The following FREM3 variants were observed in gnomAD, a reference collection of about 807,000 sequenced individuals.
FREM3 encodes FRAS1 related extracellular matrix 3, also known as FRAS1-related extracellular matrix protein 3.
Under a neutral mutation model 129.1 loss-of-function variants are expected in FREM3, and 105 were observed. The observed-to-expected ratio is 0.81, with a 90% confidence interval of 0.69 to 0.96. The LOEUF is 0.96. Among genes scored for constraint, FREM3 ranks in the 40% least tolerant of loss-of-function variants. The pLI, the probability that FREM3 is intolerant of heterozygous loss-of-function variation, is 0.00. For missense variants in FREM3, 2,593 were observed against 2,666.3 expected (o/e 0.97, Z 0.61); for synonymous variants, 1,014 against 1,044.9 (o/e 0.97, Z 0.57).
Position 143,675,068 on chromosome 4 carries a change from C to T in FREM3, c.5275+18045G>A, listed in dbSNP as rs529937891. Among the ~76,000 whole-genome samples the T allele has an allele frequency of 2.1e-4, 32 of 152,306 alleles. No homozygotes were observed. The South Asian group carries it at 5.8e-3, about 28-fold the overall frequency. ...ATAGACATCTACAGAACTCTCCACC[C>T]CAAATCAACAGAATATACTTTCTTC... On this transcript the variant is annotated intron_variant, in intron 2 of 7. Coordinates refer to ENST00000329798, the MANE Select transcript of FREM3 (RefSeq NM_001168235.2).
In FREM3 at chr4:143,685,118, A is replaced by T. The variant is rs1740336399; in HGVS notation, c.5275+7995T>A. On this transcript the variant is annotated intron_variant, in intron 2 of 7. Coordinates refer to ENST00000329798, the MANE Select transcript of FREM3 (RefSeq NM_001168235.2). ...AGGAAAACTTCCCCAGCCTCGCTAGAGACATAGACATCCAAATACCAGAAG... is the reference window on the plus strand; with the variant it reads ...AGGAAAACTTCCCCAGCCTCGCTAGTGACATAGACATCCAAATACCAGAAG... Among the ~76,000 whole-genome samples, 3 of 152,332 alleles carry T rather than the reference A, an allele frequency of 2.0e-5. No homozygotes were observed. In the South Asian group the frequency reaches 6.2e-4, roughly 32 times the overall value.
chr4:143,699,918 T>A lies in FREM3; in HGVS notation c.758A>T (p.Gln253Leu). The A allele has an allele frequency of 6.5e-7, 1 of 1,536,026 alleles. No homozygotes were observed. The highest frequency in any genetic ancestry group is 2.4e-5 in the East Asian group (1 of 40,904). Residue 253 changes from glutamine to leucine, a missense_variant, in exon 1 of 8, where the codon CAG becomes CTG. Transcript: ENST00000329798. The surrounding 1 kb of genome is among the most constrained non-coding windows in gnomAD (Gnocchi z 4.2). Reference protein sequence around the residue: ...EAFLRAGVRYQHTATSSPNRD... With the variant: ...EAFLRAGVRYLHTATSSPNRD... ...GTTGGGCGAGGAGGTGGCTGTGTGC[T>A]GATAGCGCACCCCAGCACGGAGGAA... is the stretch of plus-strand genomic sequence containing the variant.
At chr4:143,595,832 G>A (rs1738468967) in intron 6 of FREM3, among the ~76,000 whole-genome samples, 1 of 145,728 alleles carries the variant, frequency 6.9e-6, no homozygotes, top group Non-Finnish European at 1.5e-5. Flanking sequence ...AGCTTGCAGT[G>A]AGCTGAGATC....
At chr4:143,657,373 A>C (rs1192570358) in intron 2 of FREM3, among the ~76,000 whole-genome samples, 1 of 152,224 alleles carries the variant, frequency 6.6e-6, no homozygotes. Context: ...ATTCAATAGA[A>C]CAGTCAATAG....
intron 2 of FREM3, among the ~76,000 whole-genome samples, chr4:143,651,093 C>T (rs1356668364): frequency 3.3e-5 from 5 of 152,172 alleles, no homozygotes; most frequent in African/African-American, 7.2e-5. Flanking sequence ...TAATTTGATT[C>T]GGTTTTAGTC....
At chr4:143,601,524 G>T (rs1341794883) in intron 6 of FREM3, among the ~76,000 whole-genome samples, 1 of 152,186 alleles carries the variant, frequency 6.6e-6, no homozygotes, top group Non-Finnish European at 1.5e-5. Context: ...GTTGAGTGGA[G>T]ATAGTATAAA....
intron 2 of FREM3, among the ~76,000 whole-genome samples, chr4:143,634,750 C>T (rs906656027): frequency 1.3e-5 from 2 of 152,016 alleles, no homozygotes; most frequent in African/African-American, 4.8e-5. Context: ...GACGAAGGCT[C>T]GTTGTGTGAG....
intron 2 of FREM3, among the ~76,000 whole-genome samples, chr4:143,663,951 C>G (rs1317575737): frequency 2.0e-5 from 3 of 152,114 alleles, no homozygotes; most frequent in African/African-American, 7.2e-5. Flanking sequence ...CCTTTAAGCA[C>G]TTCTCTGTAT....
At chr4:143,646,687 A>G (rs1223233112) in intron 2 of FREM3, among the ~76,000 whole-genome samples, 1 of 152,220 alleles carries the variant, frequency 6.6e-6, no homozygotes, top group Admixed American at 6.5e-5. Flanking sequence ...CAGAACTGTG[A>G]ATCAATTAAA....
chr4:143,603,794 A>G (rs1186866810), intron 6 of FREM3, among the ~76,000 whole-genome samples: 7 of 152,122 alleles, frequency 4.6e-5, no homozygotes, highest in Admixed American at 4.6e-4. Flanking sequence ...ACTCTAGACT[A>G]ACTCATGCCG....
At chr4:143,640,045 T>C (rs140484206) in intron 2 of FREM3, among the ~76,000 whole-genome samples, 263 of 152,302 alleles carry the variant, frequency 1.7e-3, no homozygotes, top group African/African-American at 5.6e-3. Flanking sequence ...GTTTCACATC[T>C]CTGAAAACTC....
At chr4:143,621,441 C>T (rs989941976) in intron 4 of FREM3, among the ~76,000 whole-genome samples, 1 of 151,980 alleles carries the variant, frequency 6.6e-6, no homozygotes, top group African/African-American at 2.4e-5. Context: ...TCTTTTTTTT[C>T]TTCTGAGATC....
chr4:143,696,671 A>T lies in FREM3; in HGVS notation c.4005T>A (p.Leu1335=). The change falls in exon 1 of 8, where the codon CTT becomes CTA. Residue 1335 remains leucine (L), a synonymous_variant. Coordinates refer to ENST00000329798, the MANE Select transcript of FREM3 (RefSeq NM_001168235.2). ...ITNRILKATD[L]DSDDKSLSFV... is the part of the protein sequence containing the mutation. ...AACTGAGGCTTTTATCATCTGAGTC[A>T]AGATCTGTGGCCTTGAGGATCCGAT... The T allele has an allele frequency of 6.5e-7, 1 of 1,537,886 alleles. No individual in the cohort carries two copies. Among genetic ancestry groups the T allele is most frequent in the Non-Finnish European group, 8.7e-7 (1 of 1,147,062 alleles).
chr4:143,648,267 C>G (rs539693075), intron 2 of FREM3, among the ~76,000 whole-genome samples: 135 of 152,172 alleles, frequency 8.9e-4, no homozygotes, highest in Non-Finnish European at 1.3e-3. Context: ...ATTTTACAGG[C>G]TCTTAGGCAG....
At chr4:143,625,882 G>A (rs776457881) in intron 3 of FREM3, among the ~76,000 whole-genome samples, 4 of 152,104 alleles carry the variant, frequency 2.6e-5, no homozygotes, top group Non-Finnish European at 4.4e-5. Context: ...GCCAAGAACT[G>A]TGCTAGATTG....
In FREM3 at chr4:143,624,113, C is replaced by T; in HGVS notation, c.5648G>A (p.Gly1883Glu). 6.6e-7 allele frequency: 1 copy of T among 1,515,650 alleles called. No individual in the cohort carries two copies. Among genetic ancestry groups the T allele is most frequent in the Non-Finnish European group, 8.9e-7 (1 of 1,127,330 alleles). The allele number at this position is 1,515,650 out of a possible 1,614,324, so 93.9% of individuals were successfully genotyped here. ...AATCAATCAGTGTCACATACCATCT[C>T]CAGGGTCTACAATTTCAACCGTTGC... ...EMATVEIVDP[G>E]DESTVYIPEA... The change falls in exon 4 of 8, where the codon GGA becomes GAA. Residue 1883 changes from glycine to glutamate, a missense_variant. Gly to Glu is a moderately conservative substitution (Grantham distance 98). Around this residue, in one of 2 missense-constraint regions of FREM3, gnomAD observed 317 missense variants for 399.0 expected, o/e 0.79. Transcript: ENST00000329798.
intron 7 of FREM3, 45 bp from the exon 8 acceptor site, chr4:143,577,897 A>T: frequency 8.6e-6 from 13 of 1,505,438 alleles, no homozygotes; most frequent in Non-Finnish European, 1.1e-5. Flanking sequence ...AGGATTTGTC[A>T]TAAGTTTTCC....
chr4:143,588,428 G>A (rs1261356386), intron 6 of FREM3, among the ~76,000 whole-genome samples: 1 of 142,792 alleles, frequency 7.0e-6, no homozygotes, highest in African/African-American at 2.6e-5. Flanking sequence ...AGTGTGTGAT[G>A]TTCTCCTTCC....
rs569886930 is a variant in FREM3 at position 143,627,561 on chromosome 4, C to G, written c.5422+53G>C. Reference sequence around the variant, plus strand: ...ACTTTCTTGTAATTATTTTTAGTCCCAGATTTCATGTTTCCATGACCTTTT... The same window carrying G: ...ACTTTCTTGTAATTATTTTTAGTCCGAGATTTCATGTTTCCATGACCTTTT... On this transcript the variant is annotated intron_variant, in intron 3 of 7. Coordinates refer to ENST00000329798, the MANE Select transcript of FREM3 (RefSeq NM_001168235.2). 1.3e-5 allele frequency: 18 copies of G among 1,387,710 alleles called. No homozygotes were observed. The South Asian group carries it at 2.3e-4, about 17-fold the overall frequency. The allele number at this position is 1,387,710 out of a possible 1,614,324, so 86.0% of individuals were successfully genotyped here.
Sources: allele counts gnomAD v4.1 joint callset (sites outside exome capture counted in the v4.1 genomes callset), GRCh38; gene constraint gnomAD v4.1.1; regional missense constraint gnomAD v4.1.1; non-coding constraint Gnocchi (gnomAD v3.1); transcripts MANE v1.5; gene names NCBI Gene and HGNC (gene_info 2026-07-23, HGNC 2026-07-21).